Variants in IL23R observed in about 807,000 individuals in gnomAD.
The protein encoded by IL23R is interleukin-23 receptor.
IL23R carries 34 observed loss-of-function variants against 56.9 expected under a neutral mutation model. The observed-to-expected ratio is 0.60, with a 90% CI of 0.45 to 0.80. The LOEUF (loss-of-function observed/expected upper bound fraction) is 0.80, where lower values mean the gene tolerates loss of function less well. IL23R is among the 30% of genes least tolerant of loss of function. IL23R has a pLI of 0.00. For synonymous variants in IL23R, 230 were observed against 249.2 expected (o/e 0.92, Z 0.73); for missense variants, 635 against 730.0 (o/e 0.87, Z 1.50).
At chr1:67,216,656 C>T (rs1166611577) in intron 6 of IL23R, among the ~76,000 whole-genome samples, 1 of 152,102 alleles carries the variant, frequency 6.6e-6, no homozygotes, top group Non-Finnish European at 1.5e-5. Flanking sequence ...CACATAATTT[C>T]CATACATCAT....
intron 7 of IL23R, chr1:67,231,803 T>C (rs979277946): frequency 1.3e-5 from 2 of 152,234 alleles, no homozygotes; most frequent in African/African-American, 2.4e-5. Flanking sequence ...GCAGATCACC[T>C]GAGGTCAGGA....
Position 67,258,901 on chromosome 1 carries a change from CAAG to C in IL23R, c.1664_1666del (p.Gln555_Gly556delinsArg). 6.2e-7 allele frequency: 1 copy of C among 1,613,970 alleles called. No homozygotes were observed. Among genetic ancestry groups the C allele is most frequent in the African/African-American group, 1.3e-5 (1 of 75,028 alleles). On this transcript the variant is annotated inframe_deletion, in exon 11 of 11. Transcript: ENST00000347310. ...TGGAGAATTAAGCCTCATATTAAAT[CAAG>C]GAGAATGCAGTTCTCCTGACATACA...
rs544799967 is a variant in IL23R at position 67,251,108 on chromosome 1, C to T, written c.1149-4729C>T. ...ACAAAATGGAGAAAAATAATTCAGT[C>T]GACTGAGAAGAAAAAACCTTTTTCA... On this transcript the variant is annotated intron_variant, in intron 9 of 10. Transcript: ENST00000347310. 9.2e-5 allele frequency among the ~76,000 whole-genome samples: 14 copies of T among 151,802 alleles called. No homozygotes were observed. The South Asian group carries it at 1.9e-3, about 20-fold the overall frequency.
chr1:67,184,220 G>A (rs1360880286), intron 4 of IL23R, among the ~76,000 whole-genome samples: 1 of 148,948 alleles, frequency 6.7e-6, no homozygotes, highest in Non-Finnish European at 1.5e-5. Context: ...GGGCGAAAGA[G>A]CGAGACTCCA....
chr1:67,236,243 T>A (rs1432935181), intron 7 of IL23R, among the ~76,000 whole-genome samples: 1 of 152,224 alleles, frequency 6.6e-6, no homozygotes. Flanking sequence ...AAAATTAGGT[T>A]TCTTATGAGG....
chr1:67,244,103 G>A (rs573157456), intron 9 of IL23R, among the ~76,000 whole-genome samples: 16 of 152,252 alleles, frequency 1.1e-4, no homozygotes, highest in African/African-American at 3.6e-4. Flanking sequence ...CCGCATAAAT[G>A]TCTTCTTTTG....
At chr1:67,218,086 C>T (rs1407328830) in intron 6 of IL23R, among the ~76,000 whole-genome samples, 1 of 151,886 alleles carries the variant, frequency 6.6e-6, no homozygotes, top group Non-Finnish European at 1.5e-5. Flanking sequence ...GTACAAATGC[C>T]TTGGTTTCTT....
At chr1:67,262,776 C>G (rs72678503), downstream of IL23R, among the ~76,000 whole-genome samples, 11,085 of 152,098 alleles carry the variant, frequency 0.073, 565 homozygotes, top group Non-Finnish European at 0.1. Flanking sequence ...GGGGCATGTC[C>G]TGCTTCTTGG....
chr1:67,225,213 A>G (rs1383754834), intron 7 of IL23R, among the ~76,000 whole-genome samples: 1 of 152,256 alleles, frequency 6.6e-6, no homozygotes, highest in Non-Finnish European at 1.5e-5. Flanking sequence ...ATGCAAACGC[A>G]TGAGAAAAGA....
At position 67,158,215 on chromosome 1, in the gene IL23R, C is replaced by CA. The variant is rs200105938; in HGVS notation, c.-633-9864dup. On this transcript the variant is annotated intron_variant, in intron 1 of 10. Transcript: ENST00000637002. ...TGGGCAACAGAGCAAGACTCCATGT[C>CA]AAAAAAAAAAAAAGAAATATTTTTT... 8.8e-3 allele frequency among the ~76,000 whole-genome samples: 1,143 copies of CA among 129,866 alleles called. 9 individuals carry two copies. Among genetic ancestry groups the CA allele is most frequent in the African/African-American group, 0.028 (987 of 35,180 alleles). 85.2% of individuals were successfully genotyped at this position (129,866 alleles called of 152,430 possible). A position where few individuals can be genotyped will look rare whatever the true frequency, so the allele number is the denominator to read the frequency against.
chr1:67,186,570 G>A (rs936407679), intron 4 of IL23R, among the ~76,000 whole-genome samples: 4 of 152,078 alleles, frequency 2.6e-5, no homozygotes, highest in African/African-American at 9.7e-5. Flanking sequence ...GACACTTCAT[G>A]TAAAAGGAAT....
At chr1:67,231,032 T>A (rs1434822848) in intron 7 of IL23R, among the ~76,000 whole-genome samples, 2 of 152,064 alleles carry the variant, frequency 1.3e-5, no homozygotes. Flanking sequence ...GAATCTCCAA[T>A]GATTTAAAAA....
rs997868409 is a variant in IL23R, at chr1:67,184,501, C to T, written c.491+1542C>T. Reference sequence around the variant, plus strand: ...ACAGGAGCTTGCAGTGAGCCAAGATCGTGCCATTGCACTCCAGCCTGGGCA... The same window carrying T: ...ACAGGAGCTTGCAGTGAGCCAAGATTGTGCCATTGCACTCCAGCCTGGGCA... On this transcript the variant is annotated intron_variant, in intron 4 of 10. Coordinates refer to ENST00000347310, the MANE Select transcript of IL23R (RefSeq NM_144701.3). 2.6e-4 allele frequency among the ~76,000 whole-genome samples: 39 copies of T among 151,564 alleles called. 1 individual carries two copies. Among genetic ancestry groups the T allele is most frequent in the South Asian group, 1.2e-3 (6 of 4,802 alleles).
chr1:67,241,471 C>T (rs1391509117), intron 9 of IL23R, among the ~76,000 whole-genome samples: 1 of 152,114 alleles, frequency 6.6e-6, no homozygotes, highest in African/African-American at 2.4e-5. Flanking sequence ...AAACAATGGC[C>T]TCCCATAATT....
In IL23R at chr1:67,206,884, C is replaced by CTTTTTTT. The variant is rs557919248; in HGVS notation, c.653-11_653-5dup. The CTTTTTTT allele has an allele frequency of 1.6e-4, 191 of 1,190,620 alleles. 10 individuals carry two copies. Among genetic ancestry groups the CTTTTTTT allele is most frequent in the Admixed American group, 4.9e-4 (13 of 26,640 alleles). 73.8% of individuals were successfully genotyped at this position (1,190,620 alleles called of 1,614,324 possible). A position where few individuals can be genotyped will look rare whatever the true frequency, so the allele number is the denominator to read the frequency against. On this transcript the variant is annotated intron_variant, in intron 5 of 10. Coordinates refer to ENST00000347310, the MANE Select transcript of IL23R (RefSeq NM_144701.3). ...CTAGGCAAGTTTTAAACAGCCAGGT[C>CTTTTTTT]TTTTTTTTTTTTTTTTTTTTTCTAG...
rs895568090 is a variant in IL23R at position 67,259,553 on chromosome 1, A to G, written c.*425A>G. The G allele has an allele frequency of 3.8e-5, 8 of 212,502 alleles. No individual in the cohort carries two copies. The highest frequency in any genetic ancestry group is 2.4e-4 in the South Asian group (3 of 12,418). The allele number at this position is 212,502 out of a possible 1,614,324, so 13.2% of individuals were successfully genotyped here. On this transcript the variant is annotated 3_prime_UTR_variant, in exon 11 of 11. Transcript: ENST00000347310. ...TCATGTATTTTTTATAGAGTCAACTATTTCCTCTTTATTTTCCCTCATTGA... is the reference window on the plus strand; with the variant it reads ...TCATGTATTTTTTATAGAGTCAACTGTTTCCTCTTTATTTTCCCTCATTGA...
At chr1:67,174,655 C>T (rs1224384299) in intron 3 of IL23R, among the ~76,000 whole-genome samples, 1 of 151,966 alleles carries the variant, frequency 6.6e-6, no homozygotes, top group Non-Finnish European at 1.5e-5. Flanking sequence ...TTAACAAACA[C>T]TCAATATTTC....
At chr1:67,221,013 G>A (rs958650469) in intron 7 of IL23R, among the ~76,000 whole-genome samples, 1 of 151,346 alleles carries the variant, frequency 6.6e-6, no homozygotes, top group Non-Finnish European at 1.5e-5. Flanking sequence ...CATACAATAA[G>A]CTAAGAACTT....
At position 67,141,917 on chromosome 1, in the gene IL23R, G is replaced by A. The variant is rs752798259; in HGVS notation, c.-634+2756G>A. Among the ~76,000 whole-genome samples, 3 of 152,144 alleles carry A rather than the reference G, an allele frequency of 2.0e-5. No individual in the cohort carries two copies. The South Asian group carries it at 6.2e-4, about 31-fold the overall frequency. On this transcript the variant is annotated intron_variant, in intron 1 of 10. Coordinates refer to the IL23R transcript ENST00000637002. The stretch of plus-strand genomic sequence containing the variant: ...GGGGGAGATTTGTGCAGGGGGAAGC[G>A]TATTACAGAAGGGAGAAACAAAGAC...
Sources: gnomAD v4.1 joint callset for allele counts (sites outside exome capture counted in the v4.1 genomes callset) on GRCh38, gnomAD v4.1.1 for gene constraint, MANE v1.5 for transcripts, NCBI Gene and HGNC (gene_info 2026-07-23, HGNC 2026-07-21) for gene names.